PLXDC1: variants seen among roughly 807,000 people sequenced by gnomAD.
PLXDC1 encodes plexin domain-containing protein 1.
Under a neutral mutation model 61.3 loss-of-function variants are expected in PLXDC1, and 39 were observed. That is an observed-to-expected ratio of 0.64 (90% CI 0.49 to 0.83). The LOEUF (loss-of-function observed/expected upper bound fraction) is 0.83, where lower values mean the gene tolerates loss of function less well. Among genes scored for constraint, PLXDC1 ranks in the 40% least tolerant of loss-of-function variants. The probability of loss-of-function intolerance (pLI) is 0.00; values close to 1 mark genes in which losing one functional copy is unlikely to be tolerated. For missense variants in PLXDC1, 596 were observed against 666.5 expected, an observed-to-expected ratio of 0.89 and a Z score of 1.17; for synonymous variants, 212 against 254.5, an observed-to-expected ratio of 0.83 and a Z score of 1.59.
In PLXDC1 at chr17:39,075,014, C is replaced by T. The variant is rs112577998; in HGVS notation, c.1187-2529G>A. ...TCACTTTGTCACCCAGGCTAGAGTG[C>T]AGTGGTGCAATCATAGCTCACTGCA... On this transcript the variant is annotated intron_variant, in intron 11 of 13. Transcript: ENST00000315392. 8.5e-3 allele frequency among the ~76,000 whole-genome samples: 1,300 copies of T among 152,226 alleles called. 5 individuals carry two copies. The highest frequency in any genetic ancestry group is 0.013 in the Non-Finnish European group (911 of 68,010).
rs199885879 is a variant in PLXDC1 at position 39,105,965 on chromosome 17, A to C, written c.712-12T>G. 8.6e-5 allele frequency: 137 copies of C among 1,596,356 alleles called. No individual in the cohort carries two copies. In the African/African-American group the frequency reaches 1.7e-3, roughly 20 times the overall value. ...ACAGACATAGGGATCTGCGGCAGGG[A>C]GAAGAGACTCCGTCCACCTCCCAAA... On this transcript the variant is annotated splice_polypyrimidine_tract_variant and intron_variant, in intron 6 of 13. Coordinates refer to ENST00000315392, the MANE Select transcript of PLXDC1 (RefSeq NM_020405.5).
At chr17:39,141,643 G>C (rs887268767) in intron 1 of PLXDC1, among the ~76,000 whole-genome samples, 10 of 152,144 alleles carry the variant, frequency 6.6e-5, no homozygotes, top group African/African-American at 2.4e-4. Flanking sequence ...ATTCTTTTGG[G>C]TATATACCCA....
At chr17:39,087,309 A>G (rs1909779155) in intron 8 of PLXDC1, among the ~76,000 whole-genome samples, 2 of 152,162 alleles carry the variant, frequency 1.3e-5, no homozygotes, top group South Asian at 4.1e-4. Context: ...CCGGGTTTCA[A>G]TTATGTGGGA....
At chr17:39,117,039 C>T (rs1910993288) in intron 2 of PLXDC1, among the ~76,000 whole-genome samples, 1 of 152,230 alleles carries the variant, frequency 6.6e-6, no homozygotes, top group South Asian at 2.1e-4. Context: ...TGAGCAAAGG[C>T]CTGACATCAG....
Position 39,074,298 on chromosome 17 carries a change from G to T in PLXDC1, c.1187-1813C>A, listed in dbSNP as rs77941007. 7.9e-4 allele frequency among the ~76,000 whole-genome samples: 121 copies of T among 152,276 alleles called. 1 individual carries two copies. The East Asian group carries it at 0.021, about 26-fold the overall frequency. On this transcript the variant is annotated intron_variant, in intron 11 of 13. Coordinates refer to ENST00000315392, the MANE Select transcript of PLXDC1 (RefSeq NM_020405.5). ...GGTGGGAGGATCCTTGAGCCCAGGAGTTCAAGTCCAGCCTAGGTAACATAG... is the reference window on the plus strand; with the variant it reads ...GGTGGGAGGATCCTTGAGCCCAGGATTTCAAGTCCAGCCTAGGTAACATAG...
Position 39,065,744 on chromosome 17 carries a change from T to C in PLXDC1, c.*2096A>G, listed in dbSNP as rs1280787252. ...GCAGGTTAACTTGGTAGCTATGGAG[T>C]ATGACCAGATGGAGACATGGGTCTT... is the stretch of plus-strand genomic sequence containing the variant. On this transcript the variant is annotated 3_prime_UTR_variant, in exon 14 of 14. Coordinates refer to ENST00000315392, the MANE Select transcript of PLXDC1 (RefSeq NM_020405.5). 1 of 152,254 alleles carries C rather than the reference T, an allele frequency of 6.6e-6. No individual in the cohort carries two copies. Among genetic ancestry groups the C allele is most frequent in the Admixed American group, 6.6e-5 (1 of 15,266 alleles). 9.4% of individuals were successfully genotyped at this position (152,254 alleles called of 1,614,324 possible). A position where few individuals can be genotyped will look rare whatever the true frequency, so the allele number is the denominator to read the frequency against.
chr17:39,138,464 G>A (rs985582215), intron 2 of PLXDC1, among the ~76,000 whole-genome samples: 2 of 152,166 alleles, frequency 1.3e-5, no homozygotes, highest in African/African-American at 2.4e-5. Context: ...AAGATTGGGC[G>A]GCAGGGTGAA....
intron 12 of PLXDC1, among the ~76,000 whole-genome samples, chr17:39,071,454 T>TTGCTC (rs1374650140): frequency 2.6e-5 from 4 of 152,146 alleles, no homozygotes; most frequent in Admixed American, 2.6e-4. Context: ...CCCATCCCCT[T>TTGCTC]TGCTCTGCTC....
intron 1 of PLXDC1, among the ~76,000 whole-genome samples, chr17:39,143,561 G>A (rs1401877215): frequency 3.3e-5 from 5 of 152,274 alleles, no homozygotes; most frequent in African/African-American, 9.6e-5. Context: ...GCTCCTGGGA[G>A]CCAGCAAGGA....
intron 2 of PLXDC1, among the ~76,000 whole-genome samples, chr17:39,120,011 A>G (rs1376474302): frequency 2.0e-5 from 3 of 152,154 alleles, no homozygotes; most frequent in Non-Finnish European, 2.9e-5. Flanking sequence ...CACAACTACC[A>G]GCATTAATAT....
At chr17:39,093,289 C>G (rs1268398673) in intron 7 of PLXDC1, among the ~76,000 whole-genome samples, 1 of 152,118 alleles carries the variant, frequency 6.6e-6, no homozygotes, top group Non-Finnish European at 1.5e-5. Flanking sequence ...CCAGGCTGGT[C>G]CCAAACTCCT....
At chr17:39,097,062 A>C in intron 7 of PLXDC1, 2 of 467,614 alleles carry the variant, frequency 4.3e-6, no homozygotes, top group Non-Finnish European at 4.5e-6. Flanking sequence ...TGAGGCTGTG[A>C]GGAGTCCTCC....
intron 11 of PLXDC1, among the ~76,000 whole-genome samples, chr17:39,077,195 G>A (rs2143320384): frequency 6.6e-6 from 1 of 152,254 alleles, no homozygotes; most frequent in South Asian, 2.1e-4. Context: ...AAAAGGATAA[G>A]GGAGAGGAAT....
intron 1 of PLXDC1, among the ~76,000 whole-genome samples, chr17:39,140,453 C>T (rs558514444): frequency 6.6e-6 from 1 of 152,312 alleles, no homozygotes; most frequent in Admixed American, 6.5e-5. Flanking sequence ...CTACAGGCGC[C>T]CGCTACCGCG....
At chr17:39,142,092 C>T (rs1202116812) in intron 1 of PLXDC1, among the ~76,000 whole-genome samples, 1 of 152,146 alleles carries the variant, frequency 6.6e-6, no homozygotes, top group Non-Finnish European at 1.5e-5. Flanking sequence ...GGCCCCTGCT[C>T]ACTAAATGCC....
chr17:39,111,858 C>T (rs927064614), intron 2 of PLXDC1: 5 of 152,440 alleles, frequency 3.3e-5, no homozygotes, highest in African/African-American at 9.6e-5. Context: ...CCTGGAGTCT[C>T]GGGAGGGTAC....
At chr17:39,102,766 C>G (rs916456992) in intron 7 of PLXDC1, among the ~76,000 whole-genome samples, 4 of 151,240 alleles carry the variant, frequency 2.6e-5, no homozygotes, top group Non-Finnish European at 5.9e-5. Flanking sequence ...GCTTGCAGCT[C>G]TGGAGATAAC....
rs1395431143 is a variant in PLXDC1 at position 39,105,816 on chromosome 17, C to T, written c.811+38G>A. 3.7e-6 allele frequency: 5 copies of T among 1,354,456 alleles called. No homozygotes were observed. The South Asian group carries it at 4.8e-5, about 13-fold the overall frequency. 83.9% of individuals were successfully genotyped at this position (1,354,456 alleles called of 1,614,324 possible). ...CAGGTTCAGTCTGAGCGGAGTCCTA[C>T]CCCCATCAAGGCCTCTGCGGGGTCC... is the stretch of plus-strand genomic sequence containing the variant. On this transcript the variant is annotated intron_variant, in intron 7 of 13. Transcript: ENST00000315392.
chr17:39,107,330 A>C (rs1474529375), intron 6 of PLXDC1, 77 bp downstream of exon 6: 1 of 877,340 alleles, frequency 1.1e-6, no homozygotes, highest in African/African-American at 1.7e-5. Flanking sequence ...TGCCTGGCAC[A>C]TTGCAAATTC....
Sources: allele counts gnomAD v4.1 joint callset (sites outside exome capture counted in the v4.1 genomes callset), GRCh38; gene constraint gnomAD v4.1.1; transcripts MANE v1.5; gene names NCBI Gene and HGNC (gene_info 2026-07-23, HGNC 2026-07-21).